STK35: variants seen among roughly 807,000 people sequenced by gnomAD.
STK35 encodes the protein serine/threonine kinase 35.
Under a neutral mutation model 37.3 loss-of-function variants are expected in STK35, and 17 were observed. That is an observed-to-expected ratio of 0.46 (90% CI 0.31 to 0.68). The LOEUF (loss-of-function observed/expected upper bound fraction) is 0.68, where lower values mean the gene tolerates loss of function less well. Among genes scored for constraint, STK35 ranks in the 30% least tolerant of loss-of-function variants. STK35 has a pLI of 0.05. For synonymous variants in STK35, 385 were observed against 319.1 expected (o/e 1.21, Z -2.20); for missense variants, 595 against 746.7 (o/e 0.80, Z 2.37).
At position 2,102,845 on chromosome 20, in the gene STK35, G is replaced by A. The variant is rs920658729; in HGVS notation, c.372G>A (p.Pro124=). Residue 124 remains proline (P), a synonymous_variant, in exon 2 of 4, where the codon CCG becomes CCA. Transcript: ENST00000381482. ...RDEAGGARAA[P]LLLPPPPAAM... ...AGGCAGGGGGGGCCCGGGCAGCGCC[G>A]TTGCTGCTCCCCCCGCCGCCCGCAG... is the stretch of plus-strand genomic sequence containing the variant. The A allele has an allele frequency of 6.5e-7, 1 of 1,543,746 alleles. No homozygotes were observed. Among genetic ancestry groups the A allele is most frequent in the Non-Finnish European group, 8.7e-7 (1 of 1,152,980 alleles).
At position 2,145,554 on chromosome 20, in the gene STK35, ACTTT is replaced by A. The variant is rs1986249042; in HGVS notation, c.*1812_*1815del. On this transcript the variant is annotated 3_prime_UTR_variant, in exon 4 of 4. Transcript: ENST00000381482. ...CTTCTGTCACCCCCCTCAACACCAA[ACTTT>A]CTTCCTTGTGAGCAGAAGGTTGGCT... is the stretch of plus-strand genomic sequence containing the variant. The A allele has an allele frequency of 6.6e-6, 1 of 151,950 alleles. No homozygotes were observed. Among genetic ancestry groups the A allele is most frequent in the Admixed American group, 6.6e-5 (1 of 15,246 alleles). The allele number at this position is 151,950 out of a possible 1,614,324, so 9.4% of individuals were successfully genotyped here.
At chr20:2,112,084 G>A (rs889634881) in intron 2 of STK35, among the ~76,000 whole-genome samples, 19 of 152,224 alleles carry the variant, frequency 1.2e-4, no homozygotes, top group African/African-American at 4.3e-4. Context: ...AGAGCAATGT[G>A]TGCTCAGAAA....
chr20:2,128,319 G>A (rs1210778945), intron 3 of STK35, among the ~76,000 whole-genome samples: 2 of 152,166 alleles, frequency 1.3e-5, no homozygotes, highest in Non-Finnish European at 2.9e-5. Context: ...GGACCTAGGT[G>A]TGAGAATCGG....
intron 3 of STK35, among the ~76,000 whole-genome samples, chr20:2,130,176 C>T (rs548338716): frequency 2.6e-5 from 4 of 152,186 alleles, no homozygotes; most frequent in South Asian, 4.2e-4. Flanking sequence ...GAGTCTTGGA[C>T]GTGCGGACAT....
At chr20:2,124,589 C>CTT (rs1249290381) in intron 3 of STK35, among the ~76,000 whole-genome samples, 1 of 152,152 alleles carries the variant, frequency 6.6e-6, no homozygotes, top group African/African-American at 2.4e-5. Flanking sequence ...CCCTGAGGTT[C>CTT]TTTGAGTCCC....
At chr20:2,113,335 A>G (rs1985654862) in intron 2 of STK35, among the ~76,000 whole-genome samples, 1 of 152,174 alleles carries the variant, frequency 6.6e-6, no homozygotes, top group Non-Finnish European at 1.5e-5. Flanking sequence ...TATCTGGTAT[A>G]ATTTAATAAA....
In STK35 at chr20:2,148,090, A is replaced by G. The variant is rs1424105629; in HGVS notation, c.*4344A>G. On this transcript the variant is annotated 3_prime_UTR_variant, in exon 4 of 4. Transcript: ENST00000381482. ...CTGCCCGAGGGCCCCCTAAGGTTAT[A>G]GACGGTATCAGCAGGGAGGCCGTCC... 6.6e-6 allele frequency: 1 copy of G among 151,352 alleles called. No individual in the cohort carries two copies. Among genetic ancestry groups the G allele is most frequent in the Non-Finnish European group, 1.5e-5 (1 of 67,992 alleles). 9.4% of individuals were successfully genotyped at this position (151,352 alleles called of 1,614,324 possible).
rs139665270 is a variant in STK35 at position 2,128,130 on chromosome 20, C to T, written c.*37+10715C>T. On this transcript the variant is annotated intron_variant, in intron 3 of 3. Coordinates refer to ENST00000381482, the MANE Select transcript of STK35 (RefSeq NM_080836.4). ...ACGTATTTCTGGCTGCACCTCAAAC[C>T]TACTGAGTTGGAAACTGGGGAGTGG... Among the ~76,000 whole-genome samples, 1,265 of 152,250 alleles carry T rather than the reference C, an allele frequency of 8.3e-3. 14 individuals are homozygous for T. The highest frequency in any genetic ancestry group is 0.029 in the African/African-American group (1,206 of 41,544).
chr20:2,113,437 C>T (rs1331560249), intron 2 of STK35, among the ~76,000 whole-genome samples: 1 of 152,124 alleles, frequency 6.6e-6, no homozygotes, highest in African/African-American at 2.4e-5. Context: ...ACTGGTGTTG[C>T]AGCTAGCCTT....
chr20:2,131,553 G>A (rs989910507), intron 3 of STK35, among the ~76,000 whole-genome samples: 9 of 152,072 alleles, frequency 5.9e-5, no homozygotes, highest in Admixed American at 1.3e-4. Context: ...AAGTTGCTCT[G>A]GGTGAGTCAG....
At chr20:2,139,820 G>A (rs1986143934) in intron 3 of STK35, among the ~76,000 whole-genome samples, 1 of 152,198 alleles carries the variant, frequency 6.6e-6, no homozygotes, top group African/African-American at 2.4e-5. Flanking sequence ...GAAATAAGAA[G>A]GTGGGGTGCA....
At position 2,139,214 on chromosome 20, in the gene STK35, A is replaced by G. The variant is rs145511610; in HGVS notation, c.*38-4570A>G. ...TGTGCATGTTCCCCTCATATCTCCC[A>G]GGCTTCTGTTCTCCAAGCTGCTAAT... On this transcript the variant is annotated intron_variant, in intron 3 of 3. Coordinates refer to ENST00000381482, the MANE Select transcript of STK35 (RefSeq NM_080836.4). 5.1e-3 allele frequency among the ~76,000 whole-genome samples: 777 copies of G among 152,188 alleles called. 5 individuals carry two copies. Among genetic ancestry groups the G allele is most frequent in the African/African-American group, 0.018 (739 of 41,514 alleles).
At chr20:2,133,168 C>G (rs1214465356) in intron 3 of STK35, among the ~76,000 whole-genome samples, 1 of 152,180 alleles carries the variant, frequency 6.6e-6, no homozygotes, top group South Asian at 2.1e-4. Context: ...ATGTGGACCT[C>G]TCTGTGGGTG....
Position 2,103,154 on chromosome 20 carries a change from G to T in STK35, c.681G>T (p.Arg227=). The change falls in exon 2 of 4, where the codon CGG becomes CGT. Residue 227 remains arginine, a synonymous_variant. Transcript: ENST00000381482. ...CAGTGGCCGGGCGCAGCGGGGCCCG[G>T]GTGGCGGTCAAGAAGATCCGCTGCG... ...YEAVAGRSGA[R]VAVKKIRCDA... is the part of the protein sequence containing the mutation. 6.2e-7 allele frequency: 1 copy of T among 1,606,278 alleles called. No individual in the cohort carries two copies. Among genetic ancestry groups the T allele is most frequent in the African/African-American group, 1.3e-5 (1 of 75,034 alleles).
chr20:2,126,184 G>T (rs759802261), intron 3 of STK35, among the ~76,000 whole-genome samples: 8 of 152,162 alleles, frequency 5.3e-5, no homozygotes, highest in Non-Finnish European at 1.0e-4. Flanking sequence ...ATAGCCCTGT[G>T]TCGAAAGATT....
chr20:2,128,961 A>AT (rs1459174465), intron 3 of STK35, among the ~76,000 whole-genome samples: 2 of 151,840 alleles, frequency 1.3e-5, no homozygotes, highest in Non-Finnish European at 2.9e-5. Flanking sequence ...AGTAGCTGGG[A>AT]TTATAAGTGC....
At chr20:2,137,522 G>T (rs970308968) in intron 3 of STK35, among the ~76,000 whole-genome samples, 2 of 152,180 alleles carry the variant, frequency 1.3e-5, no homozygotes, top group Non-Finnish European at 2.9e-5. Context: ...TGTTGTATAT[G>T]TTGTATAATC....
At chr20:2,103,769 CAAAA>C (rs1985458094) in intron 2 of STK35, among the ~76,000 whole-genome samples, 1 of 152,058 alleles carries the variant, frequency 6.6e-6, no homozygotes, top group African/African-American at 2.4e-5. Context: ...CCAAAACAAA[CAAAA>C]AGAAAAAACT....
chr20:2,146,517 G>A lies in STK35; in HGVS notation c.*2771G>A, dbSNP rs1034656099. 1 of 152,782 alleles carries A rather than the reference G, an allele frequency of 6.5e-6. No individual in the cohort carries two copies. The highest frequency in any genetic ancestry group is 6.5e-5 in the Admixed American group (1 of 15,286). The allele number at this position is 152,782 out of a possible 1,614,324, so 9.5% of individuals were successfully genotyped here. ...GGGGGACTCTTGACCTCGGCTGTTA[G>A]GGATCTGAACTTGGTTTTCCCGTCA... is the stretch of plus-strand genomic sequence containing the variant. On this transcript the variant is annotated 3_prime_UTR_variant, in exon 4 of 4. Transcript: ENST00000381482.
Sources: gnomAD v4.1 joint callset for allele counts (sites outside exome capture counted in the v4.1 genomes callset) on GRCh38, gnomAD v4.1.1 for gene constraint, MANE v1.5 for transcripts, NCBI Gene and HGNC (gene_info 2026-07-23, HGNC 2026-07-21) for gene names.